The following PMPCA variants were observed in gnomAD, a reference collection of about 807,000 sequenced individuals.
PMPCA encodes the protein peptidase, mitochondrial processing subunit alpha.
In PMPCA, 47 loss-of-function variants were observed where a neutral mutation model predicts 59.3. That is an observed-to-expected ratio of 0.79 (90% CI 0.63 to 1.01). PMPCA has a LOEUF of 1.01. Ranked by LOEUF, PMPCA falls within the 50% of genes least tolerant of loss-of-function variation. The pLI is 0.00. For synonymous variants in PMPCA, 338 were observed against 290.3 expected, an observed-to-expected ratio of 1.16 and a Z score of -1.67; for missense variants, 726 against 704.5, an observed-to-expected ratio of 1.03 and a Z score of -0.34.
intron 12 of PMPCA, 83 bp from the exon 13 acceptor site, chr9:136,423,012 G>A (rs1171290592): frequency 2.5e-5 from 37 of 1,501,408 alleles, no homozygotes; most frequent in South Asian, 2.4e-4. Flanking sequence ...CAGACCAGCC[G>A]CCCCCTCCGT....
chr9:136,418,126 G>T lies in PMPCA; in HGVS notation c.990+17G>T. 6.4e-7 allele frequency: 1 copy of T among 1,567,214 alleles called. No homozygotes were observed. Among genetic ancestry groups the T allele is most frequent in the South Asian group, 1.1e-5 (1 of 90,108 alleles). On this transcript the variant is annotated intron_variant, in intron 8 of 12. Coordinates refer to ENST00000371717, the MANE Select transcript of PMPCA (RefSeq NM_015160.3). ...TCCTTCCTGGTGAGTCCTGGTGCTG[G>T]GTCTGATGGCGTTCCTGATGCAGTG... is the stretch of plus-strand genomic sequence containing the variant.
chr9:136,423,365 T>C lies in PMPCA; in HGVS notation c.*101T>C. Reference sequence around the variant, plus strand: ...TTTAGTCTAAAAAGCTGTCTGGTTGTATAAACGGTGCAAACAATGTCGCCA... The same window carrying C: ...TTTAGTCTAAAAAGCTGTCTGGTTGCATAAACGGTGCAAACAATGTCGCCA... On this transcript the variant is annotated 3_prime_UTR_variant, in exon 13 of 13. Transcript: ENST00000371717. 4 of 1,254,170 alleles carry C rather than the reference T, an allele frequency of 3.2e-6. No individual in the cohort carries two copies. The highest frequency in any genetic ancestry group is 4.4e-6 in the Non-Finnish European group (4 of 916,480). The allele number at this position is 1,254,170 out of a possible 1,614,324, so 77.7% of individuals were successfully genotyped here.
At chr9:136,422,113 C>T (rs1835472253) in intron 12 of PMPCA, 137 bp downstream of exon 12, 7 of 1,545,530 alleles carry the variant, frequency 4.5e-6, no homozygotes, top group Non-Finnish European at 6.1e-6. Context: ...CACCAGTTGT[C>T]CTCAGCAGGG....
chr9:136,416,767 C>T (rs748047166), intron 6 of PMPCA, 184 bp from the exon 7 acceptor site: 8 of 601,746 alleles, frequency 1.3e-5, no homozygotes, highest in Admixed American at 3.1e-5. Flanking sequence ...AATTTGTATT[C>T]TGGAGAGGCA....
rs1422287087 is a variant in PMPCA, at chr9:136,423,222, T to A, written c.1536T>A (p.Ser512Arg). 2 of 1,613,254 alleles carry A rather than the reference T, an allele frequency of 1.2e-6. No homozygotes were observed. Among genetic ancestry groups the A allele is most frequent in the Non-Finnish European group, 1.7e-6 (2 of 1,180,000 alleles). ...TYEHIQTALS[S>R]KDGRLPRTYR... The stretch of plus-strand genomic sequence containing the variant: ...AGCACATCCAGACCGCCCTGTCGAG[T>A]AAGGACGGGCGCCTGCCCAGGACGT... Residue 512 changes from serine (S) to arginine (R), a missense_variant, in exon 13 of 13, where the codon AGT becomes AGA. Physicochemically the swap from Ser to Arg is moderately radical, Grantham distance 110 (BLOSUM62 -1). Coordinates refer to ENST00000371717, the MANE Select transcript of PMPCA (RefSeq NM_015160.3).
chr9:136,417,967 G>A (rs1835328838), intron 7 of PMPCA, 50 bp from the exon 8 acceptor site: 1 of 1,295,490 alleles, frequency 7.7e-7, no homozygotes, highest in Non-Finnish European at 1.1e-6. Context: ...GGGTTTGCGA[G>A]CCCTCATTGT....
chr9:136,414,666 G>C lies in PMPCA; in HGVS notation c.532+19G>C. 1 of 1,538,326 alleles carries C rather than the reference G, an allele frequency of 6.5e-7. No individual in the cohort carries two copies. Among genetic ancestry groups the C allele is most frequent in the Non-Finnish European group, 9.0e-7 (1 of 1,110,802 alleles). ...CTAACAGGTGTGGATCCCAGCCGCTGGCGTTTGAGGTGGGCTTGGACATAG... is the reference window on the plus strand; with the variant it reads ...CTAACAGGTGTGGATCCCAGCCGCTCGCGTTTGAGGTGGGCTTGGACATAG... On this transcript the variant is annotated intron_variant, in intron 5 of 12. Transcript: ENST00000371717.
At chr9:136,419,478 T>C in intron 11 of PMPCA, 1 of 387,368 alleles carries the variant, frequency 2.6e-6, no homozygotes. Flanking sequence ...GCCGCCTCTG[T>C]GAGGTGACTG....
In PMPCA at chr9:136,412,856, A is replaced by C; in HGVS notation, c.401A>C (p.Glu134Ala). The C allele has an allele frequency of 6.2e-7, 1 of 1,609,244 alleles. No individual in the cohort carries two copies. Residue 134 changes from glutamate (E) to alanine (A), a missense_variant, in exon 4 of 13, where the codon GAA becomes GCA. Coordinates refer to ENST00000371717, the MANE Select transcript of PMPCA (RefSeq NM_015160.3). ...DSKDEILLTL[E>A]KHGGICDCQT... ...AAAGATGAAATTCTGCTTACGTTGGAAAAGCATGGGGGTATCTGTGACTGC... is the reference window on the plus strand; with the variant it reads ...AAAGATGAAATTCTGCTTACGTTGGCAAAGCATGGGGGTATCTGTGACTGC...
chr9:136,411,868 GA>G (rs1835128567), intron 1 of PMPCA, 128 bp from the exon 2 acceptor site: 2 of 665,752 alleles, frequency 3.0e-6, no homozygotes, highest in East Asian at 2.7e-5. Context: ...AAAGTCTGTA[GA>G]AATAAGTCCT....
At chr9:136,420,525 C>G (rs766286415) in intron 11 of PMPCA, 1 of 152,028 alleles carries the variant, frequency 6.6e-6, no homozygotes, top group African/African-American at 2.4e-5. Flanking sequence ...TTGGCCAGAC[C>G]GGTCTTGAAC....
At chr9:136,410,937 C>T (rs931238463) in intron 1 of PMPCA, among the ~76,000 whole-genome samples, 198 bp downstream of exon 1, 3 of 152,268 alleles carry the variant, frequency 2.0e-5, no homozygotes, top group South Asian at 2.1e-4. Context: ...ATCTGTCTCT[C>T]CTCTCCCCGG....
chr9:136,419,033 CT>C lies in PMPCA; in HGVS notation c.1201-9del. On this transcript the variant is annotated splice_polypyrimidine_tract_variant and intron_variant, in intron 10 of 12. Transcript: ENST00000371717. ...CAGGCCACACTGTTATCGTCTTGCC[CT>C]TCTTCGCAGGTTCGAGAAATGGTAG... The C allele has an allele frequency of 6.2e-7, 1 of 1,613,656 alleles. No homozygotes were observed. Among genetic ancestry groups the C allele is most frequent in the Non-Finnish European group, 8.5e-7 (1 of 1,179,500 alleles).
At position 136,423,380 on chromosome 9, in the gene PMPCA, C is replaced by T; in HGVS notation, c.*116C>T. 1 of 1,072,222 alleles carries T rather than the reference C, an allele frequency of 9.3e-7. No homozygotes were observed. Among genetic ancestry groups the T allele is most frequent in the East Asian group, 2.6e-5 (1 of 38,768 alleles). The allele number at this position is 1,072,222 out of a possible 1,614,324, so 66.4% of individuals were successfully genotyped here. On this transcript the variant is annotated 3_prime_UTR_variant, in exon 13 of 13. Coordinates refer to ENST00000371717, the MANE Select transcript of PMPCA (RefSeq NM_015160.3). ...TGTCTGGTTGTATAAACGGTGCAAACAATGTCGCCACAGCACCCACGCGGT... is the reference window on the plus strand; with the variant it reads ...TGTCTGGTTGTATAAACGGTGCAAATAATGTCGCCACAGCACCCACGCGGT...
At chr9:136,418,957 C>T in intron 10 of PMPCA, 39 bp downstream of exon 10, 1 of 1,600,946 alleles carries the variant, frequency 6.2e-7, no homozygotes, top group South Asian at 1.1e-5. Flanking sequence ...GTGCGGTTGC[C>T]TGTCCAGACC....
intron 4 of PMPCA, among the ~76,000 whole-genome samples, chr9:136,414,015 C>T (rs1186941076): frequency 2.0e-5 from 3 of 152,244 alleles, no homozygotes; most frequent in Admixed American, 1.3e-4. Context: ...TCTGACTGTG[C>T]AGTGCCTCAT....
At chr9:136,422,198 T>A in intron 12 of PMPCA, 1 of 1,496,442 alleles carries the variant, frequency 6.7e-7, no homozygotes. Context: ...GCTGCCTCCT[T>A]GGCAGGTGAC....
At position 136,418,871 on chromosome 9, in the gene PMPCA, G is replaced by A. The variant is rs554330179; in HGVS notation, c.1153G>A (p.Glu385Lys). Residue 385 changes from glutamate to lysine, a missense_variant, in exon 10 of 13, where the codon GAG (glutamate) becomes AAG (lysine). Physicochemically the swap from Glu to Lys is moderately conservative, Grantham distance 56. Coordinates refer to ENST00000371717, the MANE Select transcript of PMPCA (RefSeq NM_015160.3). ...CGCGACCTCCTACCACCACAGCTACGAGGACACTGGCCTCCTTTGCATCCA... is the reference window on the plus strand; with the variant it reads ...CGCGACCTCCTACCACCACAGCTACAAGGACACTGGCCTCCTTTGCATCCA... ...YNATSYHHSY[E>K]DTGLLCIHAS... 3 of 1,613,388 alleles carry A rather than the reference G, an allele frequency of 1.9e-6. No homozygotes were observed. The highest frequency in any genetic ancestry group is 2.2e-5 in the East Asian group (1 of 44,882).
chr9:136,414,913 C>G (rs1835233131), intron 5 of PMPCA, among the ~76,000 whole-genome samples: 1 of 152,052 alleles, frequency 6.6e-6, no homozygotes, highest in South Asian at 2.1e-4. Context: ...TGGTGAAACC[C>G]TGTCTCTACA....
Sources: gnomAD v4.1 joint callset for allele counts (sites outside exome capture counted in the v4.1 genomes callset) on GRCh38, gnomAD v4.1.1 for gene constraint, MANE v1.5 for transcripts, NCBI Gene and HGNC (gene_info 2026-07-23, HGNC 2026-07-21) for gene names.